The following CRACDL variants were observed in gnomAD, a reference collection of about 807,000 sequenced individuals.
The protein encoded by CRACDL is CRACD like.
In CRACDL, 26 loss-of-function variants were observed where a neutral mutation model predicts 70.6. The observed-to-expected ratio is 0.37, with a 90% CI of 0.27 to 0.51. The LOEUF is 0.51. CRACDL is among the 20% of genes least tolerant of loss of function. CRACDL has a pLI of 0.94. For missense variants in CRACDL, 1,283 were observed against 1,376.9 expected (o/e 0.93, Z 1.08); for synonymous variants, 618 against 615.2 (o/e 1.00, Z -0.07).
In CRACDL at chr2:98,860,323, G is replaced by C. The variant is rs531643650; in HGVS notation, c.-10-13513C>G. On this transcript the variant is annotated intron_variant, in intron 1 of 9. Coordinates refer to ENST00000397899, the MANE Select transcript of CRACDL (RefSeq NM_207362.3). ...TGAAAATTTATGTGGAAATGCAAGG[G>C]ACCTTGCAAAGTCAAAATAATCTTG... Among the ~76,000 whole-genome samples, 6 of 152,234 alleles carry C rather than the reference G, an allele frequency of 3.9e-5. No individual in the cohort carries two copies. In the South Asian group the frequency reaches 1.2e-3, roughly 32 times the overall value.
chr2:98,816,355 T>C (rs986489327), intron 7 of CRACDL, among the ~76,000 whole-genome samples: 7 of 152,184 alleles, frequency 4.6e-5, no homozygotes, highest in Non-Finnish European at 8.8e-5. Flanking sequence ...ACTTTTAAAG[T>C]GGTAGGATTA....
intron 1 of CRACDL, among the ~76,000 whole-genome samples, chr2:98,860,639 A>G (rs764212996): frequency 2.0e-5 from 3 of 152,214 alleles, no homozygotes; most frequent in African/African-American, 7.2e-5. Flanking sequence ...TGGCTCATAG[A>G]TCTAAATTGT....
intron 1 of CRACDL, among the ~76,000 whole-genome samples, chr2:98,873,050 G>A (rs1030088579): frequency 6.6e-6 from 1 of 152,232 alleles, no homozygotes; most frequent in Non-Finnish European, 1.5e-5. Flanking sequence ...AGGATTTGGA[G>A]TTAAGTTACT....
intron 1 of CRACDL, among the ~76,000 whole-genome samples, chr2:98,888,553 C>T (rs1229967219): frequency 6.6e-6 from 1 of 152,048 alleles, no homozygotes; most frequent in Non-Finnish European, 1.5e-5. Context: ...TAAAATGGTA[C>T]ACTAGAAAAT....
At position 98,906,558 on chromosome 2, in the gene CRACDL, G is replaced by T. The variant is rs552191647; in HGVS notation, c.-11+29380C>A. On this transcript the variant is annotated intron_variant, in intron 1 of 9. Coordinates refer to ENST00000397899, the MANE Select transcript of CRACDL (RefSeq NM_207362.3). ...ATTACAGGCGTGAGCCATTGCACCT[G>T]GCCATCCAACCAGTGAATTCCTCAT... 7.2e-5 allele frequency among the ~76,000 whole-genome samples: 11 copies of T among 152,222 alleles called. No individual in the cohort carries two copies. The East Asian group carries it at 2.1e-3, about 29-fold the overall frequency.
intron 7 of CRACDL, among the ~76,000 whole-genome samples, chr2:98,818,330 C>G (rs950636627): frequency 1.3e-5 from 2 of 152,208 alleles, no homozygotes; most frequent in Non-Finnish European, 2.9e-5. Flanking sequence ...CAACCAACCA[C>G]CATTGCATCC....
At chr2:98,798,409 A>C (rs1703927182) in intron 7 of CRACDL, among the ~76,000 whole-genome samples, 1 of 126,024 alleles carries the variant, frequency 7.9e-6, no homozygotes, top group Non-Finnish European at 1.6e-5. Context: ...GCGCCACTGC[A>C]CTCCAGCCTG....
At chr2:98,806,647 C>T (rs1204927448) in intron 7 of CRACDL, among the ~76,000 whole-genome samples, 2 of 152,242 alleles carry the variant, frequency 1.3e-5, no homozygotes, top group African/African-American at 2.4e-5. Context: ...ACAGAGACAG[C>T]TGGTCTCCGC....
intron 7 of CRACDL, among the ~76,000 whole-genome samples, chr2:98,805,304 C>T (rs968885433): frequency 4.6e-5 from 7 of 152,160 alleles, no homozygotes; most frequent in African/African-American, 1.7e-4. Context: ...ACAAAACCCC[C>T]CCTAAGACAG....
chr2:98,912,843 C>G (rs764077592), intron 1 of CRACDL: 1 of 152,238 alleles, frequency 6.6e-6, no homozygotes, highest in African/African-American at 2.4e-5. Flanking sequence ...TTGGGCCTGA[C>G]GGTGGAATCC....
At chr2:98,854,805 G>C (rs972489031) in intron 1 of CRACDL, among the ~76,000 whole-genome samples, 10 of 152,144 alleles carry the variant, frequency 6.6e-5, no homozygotes, top group African/African-American at 2.4e-4. Context: ...ACATGTCAAG[G>C]ACAGGAGGAA....
intron 1 of CRACDL, among the ~76,000 whole-genome samples, chr2:98,923,300 G>T (rs2104696774): frequency 6.6e-6 from 1 of 150,850 alleles, no homozygotes; most frequent in Non-Finnish European, 1.5e-5. Flanking sequence ...AAAGAAAATT[G>T]TGATCATGTT....
chr2:98,861,093 T>A (rs1335479038), intron 1 of CRACDL, among the ~76,000 whole-genome samples: 1 of 152,190 alleles, frequency 6.6e-6, no homozygotes. Flanking sequence ...ATGCCTGTAA[T>A]CCCAGCACTT....
intron 6 of CRACDL, 65 bp downstream of exon 6, chr2:98,826,910 G>A: frequency 7.8e-7 from 1 of 1,285,270 alleles, no homozygotes. Flanking sequence ...GCAGGTTGGG[G>A]GGGGGCATAG....
chr2:98,856,630 A>G (rs1706710214), intron 1 of CRACDL, among the ~76,000 whole-genome samples: 1 of 152,240 alleles, frequency 6.6e-6, no homozygotes, highest in African/African-American at 2.4e-5. Flanking sequence ...ATAAAATGGT[A>G]TTAAAATTGC....
chr2:98,935,057 G>A (rs965654384), intron 1 of CRACDL, among the ~76,000 whole-genome samples: 1 of 152,110 alleles, frequency 6.6e-6, no homozygotes, highest in Non-Finnish European at 1.5e-5. Flanking sequence ...CCGTGGGACC[G>A]AGCTCCAGGG....
intron 1 of CRACDL, among the ~76,000 whole-genome samples, chr2:98,922,534 C>T (rs1708828776): frequency 6.6e-6 from 1 of 152,208 alleles, no homozygotes; most frequent in Non-Finnish European, 1.5e-5. Flanking sequence ...GGCACTGTGC[C>T]CCCTGTGCCC....
chr2:98,907,714 T>G (rs1049078710), intron 1 of CRACDL, among the ~76,000 whole-genome samples: 3 of 152,218 alleles, frequency 2.0e-5, no homozygotes, highest in Non-Finnish European at 2.9e-5. Context: ...CTGAGTGTTG[T>G]TCCATTCTCG....
chr2:98,842,470 G>A (rs12712034), intron 2 of CRACDL, among the ~76,000 whole-genome samples: 62,326 of 151,744 alleles, frequency 0.41, 14,028 homozygotes, highest in African/African-American at 0.61. Flanking sequence ...AATTACACAC[G>A]GTAAAATTCA....
Sources: gnomAD v4.1 joint callset for allele counts (sites outside exome capture counted in the v4.1 genomes callset) on GRCh38, gnomAD v4.1.1 for gene constraint, MANE v1.5 for transcripts, NCBI Gene and HGNC (gene_info 2026-07-23, HGNC 2026-07-21) for gene names.